CFAP47: variants seen among roughly 807,000 people sequenced by gnomAD.
CFAP47 encodes cilia- and flagella-associated protein 47.
Under a neutral mutation model 148.1 loss-of-function variants are expected in CFAP47, and 29 were observed. That is an observed-to-expected ratio of 0.20 (90% CI 0.15 to 0.27). The LOEUF (loss-of-function observed/expected upper bound fraction) is 0.27. Among genes scored for constraint, CFAP47 ranks in the 10% least tolerant of loss-of-function variants. The pLI, the probability that CFAP47 is intolerant of heterozygous loss-of-function variation, is 1.00. For synonymous variants in CFAP47, 664 were observed against 577.3 expected (o/e 1.15, Z -2.15); for missense variants, 1,872 against 1,697.5 (o/e 1.10, Z -1.81).
intron 33 of CFAP47, among the ~76,000 whole-genome samples, chrX:36,109,206 G>A (rs1392142672): frequency 2.7e-5 from 3 of 111,997 alleles, no homozygotes; most frequent in Non-Finnish European, 5.6e-5. Context: ...TGATAGGCAT[G>A]TAGGTTGATT....
chrX:36,256,707 G>C (rs1355542354), intron 49 of CFAP47, among the ~76,000 whole-genome samples: 2 of 111,756 alleles, frequency 1.8e-5, no homozygotes, highest in African/African-American at 6.5e-5. Flanking sequence ...TCTATGTCTA[G>C]AGCTAGGAAG....
At chrX:36,082,993 A>G (rs1601967172) in intron 29 of CFAP47, among the ~76,000 whole-genome samples, 1 of 111,397 alleles carries the variant, frequency 9.0e-6, no homozygotes, top group African/African-American at 3.3e-5. Flanking sequence ...GCTATTATTA[A>G]TAAGTTTAAT....
rs1414555200 is a variant in CFAP47 at position 35,989,393 on chromosome X, G to A, written c.2788G>A (p.Glu930Lys). Residue 930 changes from glutamate to lysine, a missense_variant, in exon 16 of 64, where the codon GAA (glutamate) becomes AAA (lysine). Physicochemically the swap from Glu to Lys is moderately conservative, Grantham distance 56. Coordinates refer to ENST00000378653, the MANE Select transcript of CFAP47 (RefSeq NM_001304548.2). ...GGGCTTCAGTTCTCCAGAAGAAGGAGAATTTATTCTTCATGTCTTTCAAGG... is the reference window on the plus strand; with the variant it reads ...GGGCTTCAGTTCTCCAGAAGAAGGAAAATTTATTCTTCATGTCTTTCAAGG... Reference protein sequence around the residue: ...QQGFSSPEEGEFILHVFQGNA... With the variant: ...QQGFSSPEEGKFILHVFQGNA... 1 of 1,210,581 alleles carries A rather than the reference G, an allele frequency of 8.3e-7. No individual in the cohort carries two copies. Among genetic ancestry groups the A allele is most frequent in the Non-Finnish European group, 1.1e-6 (1 of 894,331 alleles).
chrX:36,082,547 G>A (rs752736272), intron 29 of CFAP47, among the ~76,000 whole-genome samples: 4 of 111,534 alleles, frequency 3.6e-5, no homozygotes, highest in South Asian at 3.7e-4. Flanking sequence ...CATTTGAATC[G>A]TACTGGAAGT....
At chrX:35,933,261 C>G (rs756223836) in intron 2 of CFAP47, among the ~76,000 whole-genome samples, 1 of 106,607 alleles carries the variant, frequency 9.4e-6, no homozygotes, top group Non-Finnish European at 1.9e-5. Flanking sequence ...TCCATCTACT[C>G]TCTATCTTCA....
At chrX:36,034,421 A>C (rs1489633994) in intron 23 of CFAP47, among the ~76,000 whole-genome samples, 2 of 111,121 alleles carry the variant, frequency 1.8e-5, no homozygotes, top group South Asian at 3.8e-4. Context: ...ATCCTTTGGA[A>C]GTGTGTGATC....
At chrX:36,160,846 C>A in intron 39 of CFAP47, 77 bp downstream of exon 39, 6 of 213,810 alleles carry the variant, frequency 2.8e-5, no homozygotes, top group Non-Finnish European at 4.9e-5. Flanking sequence ...GATTTTCTTT[C>A]TTTCTTTTTT....
At chrX:36,294,554 C>CA (rs1420677600) in intron 51 of CFAP47, among the ~76,000 whole-genome samples, 1 of 108,787 alleles carries the variant, frequency 9.2e-6, no homozygotes, top group Non-Finnish European at 1.9e-5. Context: ...ACTAAAAATA[C>CA]AAAAAAAATT....
intron 62 of CFAP47, among the ~76,000 whole-genome samples, chrX:36,370,733 G>GA (rs1556021194): frequency 4.5e-5 from 5 of 110,267 alleles, no homozygotes; most frequent in East Asian, 2.9e-4. Flanking sequence ...GGGCGTATAT[G>GA]AAAAAAAATA....
chrX:36,045,497 T>G (rs1384134727), intron 25 of CFAP47, among the ~76,000 whole-genome samples: 1 of 111,613 alleles, frequency 9.0e-6, no homozygotes, highest in African/African-American at 3.3e-5. Context: ...TGGGTATTGC[T>G]GCTGGTTATT....
intron 26 of CFAP47, among the ~76,000 whole-genome samples, chrX:36,056,678 T>C (rs765632703): frequency 8.9e-6 from 1 of 112,653 alleles, no homozygotes; most frequent in East Asian, 2.8e-4. Flanking sequence ...TGCCTTTTCA[T>C]GTTAGCACTT....
intron 22 of CFAP47, among the ~76,000 whole-genome samples, chrX:36,021,554 G>A (rs1937159042): frequency 9.0e-6 from 1 of 111,099 alleles, no homozygotes. Context: ...GAATGTGCAG[G>A]TTTGTTACAT....
At chrX:36,197,861 A>G (rs1209540622) in intron 42 of CFAP47, among the ~76,000 whole-genome samples, 2 of 111,657 alleles carry the variant, frequency 1.8e-5, no homozygotes, top group Admixed American at 1.9e-4. Flanking sequence ...TCATACAGCA[A>G]TAGACCACCA....
intron 15 of CFAP47, among the ~76,000 whole-genome samples, chrX:35,983,265 A>G (rs1249477703): frequency 3.6e-5 from 4 of 111,573 alleles, no homozygotes; most frequent in Admixed American, 9.5e-5. Context: ...TTGTTGTTGT[A>G]TAGAAAAGCT....
chrX:36,260,872 C>T (rs1940808738), intron 49 of CFAP47, among the ~76,000 whole-genome samples: 1 of 110,944 alleles, frequency 9.0e-6, no homozygotes, highest in African/African-American at 3.3e-5. Context: ...ATCTTGAGTT[C>T]CTTTTTGTGT....
intron 50 of CFAP47, among the ~76,000 whole-genome samples, chrX:36,283,794 T>C (rs1556004013): frequency 8.9e-6 from 1 of 111,913 alleles, no homozygotes; most frequent in African/African-American, 3.2e-5. Flanking sequence ...ATATAGTCCC[T>C]GTTCCACAAA....
At chrX:36,369,804 A>C (rs782693400) in intron 62 of CFAP47, among the ~76,000 whole-genome samples, 8 of 111,712 alleles carry the variant, frequency 7.2e-5, no homozygotes, top group Non-Finnish European at 1.5e-4. Context: ...GTTCAACAAC[A>C]ATCACTCTAG....
intron 33 of CFAP47, among the ~76,000 whole-genome samples, chrX:36,119,734 T>C (rs745748606): frequency 2.7e-5 from 3 of 111,833 alleles, no homozygotes; most frequent in African/African-American, 9.7e-5. Context: ...TCATTCATGT[T>C]ACTTGTTATT....
intron 26 of CFAP47, among the ~76,000 whole-genome samples, chrX:36,047,535 C>T (rs932986317): frequency 8.9e-6 from 1 of 112,124 alleles, no homozygotes; most frequent in Non-Finnish European, 1.9e-5. Flanking sequence ...ATTTCAAATA[C>T]ATCTTGGTAA....
Sources: gnomAD v4.1 joint callset for allele counts (sites outside exome capture counted in the v4.1 genomes callset) on GRCh38, gnomAD v4.1.1 for gene constraint, MANE v1.5 for transcripts, NCBI Gene and HGNC (gene_info 2026-07-23, HGNC 2026-07-21) for gene names.